CNTN5: variants seen among roughly 807,000 people sequenced by gnomAD.
The protein encoded by CNTN5 is contactin 5, also known as contactin-5.
In CNTN5, 77 loss-of-function variants were observed where a neutral mutation model predicts 129.1. The ratio of observed to expected loss-of-function variants is 0.60; its 90% confidence interval spans 0.50 to 0.72. The LOEUF is 0.72. CNTN5 is among the 30% of genes least tolerant of loss of function. The pLI, the probability that CNTN5 is intolerant of heterozygous loss-of-function variation, is 0.00. For missense variants in CNTN5, 1,478 were observed against 1,328.8 expected (o/e 1.11, Z -1.75); for synonymous variants, 509 against 465.6 (o/e 1.09, Z -1.20).
intron 3 of CNTN5, among the ~76,000 whole-genome samples, chr11:99,712,336 T>C (rs1212284584): frequency 6.6e-6 from 1 of 152,162 alleles, no homozygotes; most frequent in African/African-American, 2.4e-5. Flanking sequence ...GTTTTTGTTT[T>C]CTTGTAAATT....
intron 18 of CNTN5, among the ~76,000 whole-genome samples, chr11:100,291,932 T>C (rs1445236218): frequency 6.6e-6 from 1 of 151,862 alleles, no homozygotes; most frequent in East Asian, 1.9e-4. Flanking sequence ...CCGCCATTGC[T>C]CTCCACTATG....
At chr11:100,019,134 C>A (rs894201381) in intron 9 of CNTN5, among the ~76,000 whole-genome samples, 1 of 151,866 alleles carries the variant, frequency 6.6e-6, no homozygotes, top group Non-Finnish European at 1.5e-5. Context: ...TCAAAAGGTA[C>A]AAGTTTTAAA....
intron 3 of CNTN5, among the ~76,000 whole-genome samples, chr11:99,725,679 C>T (rs12577838): frequency 0.06 from 9,058 of 152,144 alleles, 675 homozygotes; most frequent in African/African-American, 0.17. Context: ...ATTTCGTAAA[C>T]ATATGTATTC....
intron 13 of CNTN5, among the ~76,000 whole-genome samples, chr11:100,135,399 T>C (rs1192758984): frequency 1.3e-5 from 2 of 151,964 alleles, no homozygotes; most frequent in Non-Finnish European, 2.9e-5. Flanking sequence ...ATGGTCTCGA[T>C]CTCCTGACCT....
intron 3 of CNTN5, among the ~76,000 whole-genome samples, chr11:99,793,224 T>C (rs531564705): frequency 1.3e-5 from 2 of 152,036 alleles, no homozygotes; most frequent in Non-Finnish European, 1.5e-5. Context: ...CACGCCCAAC[T>C]AATGTTTTGT....
chr11:99,852,477 T>A (rs1003556406), intron 6 of CNTN5, among the ~76,000 whole-genome samples: 1 of 152,224 alleles, frequency 6.6e-6, no homozygotes. Flanking sequence ...ATACCCAGCC[T>A]AATTTTATAC....
chr11:99,022,231 G>A (rs1862905194), intron 1 of CNTN5, among the ~76,000 whole-genome samples: 1 of 152,128 alleles, frequency 6.6e-6, no homozygotes, highest in African/African-American at 2.4e-5. Context: ...AAATAAGGAT[G>A]AAAGAAGTAG....
At chr11:99,639,393 A>G (rs557603094) in intron 3 of CNTN5, among the ~76,000 whole-genome samples, 33 of 152,294 alleles carry the variant, frequency 2.2e-4, no homozygotes, top group Admixed American at 9.2e-4. Context: ...GAGGATGAAC[A>G]TTAGGCTGCT....
intron 6 of CNTN5, among the ~76,000 whole-genome samples, chr11:99,883,717 G>T (rs1948828852): frequency 6.6e-6 from 1 of 152,188 alleles, no homozygotes; most frequent in Non-Finnish European, 1.5e-5. Flanking sequence ...AAGTATGGCT[G>T]TCTGGAGAGT....
chr11:100,091,711 G>A (rs1436417077), intron 13 of CNTN5, among the ~76,000 whole-genome samples: 1 of 152,038 alleles, frequency 6.6e-6, no homozygotes, highest in African/African-American at 2.4e-5. Flanking sequence ...ACAGGTGTAA[G>A]CCACCGCGCC....
At chr11:99,378,745 T>G (rs143429047) in intron 2 of CNTN5, among the ~76,000 whole-genome samples, 1,754 of 151,932 alleles carry the variant, frequency 0.012, 19 homozygotes, top group Non-Finnish European at 0.017. Flanking sequence ...AGGCTAGGTT[T>G]AAAAAAAAGT....
chr11:99,168,376 G>C (rs945117406), intron 1 of CNTN5, among the ~76,000 whole-genome samples: 1 of 152,072 alleles, frequency 6.6e-6, no homozygotes. Flanking sequence ...TCAGGAGTTC[G>C]AGACCAGCCT....
intron 2 of CNTN5, among the ~76,000 whole-genome samples, chr11:99,348,924 C>G (rs898538008): frequency 2.0e-5 from 3 of 152,120 alleles, no homozygotes; most frequent in African/African-American, 7.2e-5. Context: ...GCACTCTGTG[C>G]CAAAGGTTCA....
At chr11:99,415,066 T>A (rs943443088) in intron 2 of CNTN5, among the ~76,000 whole-genome samples, 24 of 140,944 alleles carry the variant, frequency 1.7e-4, no homozygotes, top group Non-Finnish European at 3.3e-4. Flanking sequence ...TAAAACACAC[T>A]CTTTGGAATT....
chr11:100,108,888 T>C (rs1439171717), intron 13 of CNTN5, among the ~76,000 whole-genome samples: 1 of 152,144 alleles, frequency 6.6e-6, no homozygotes, highest in African/African-American at 2.4e-5. Flanking sequence ...CAAAGTAATT[T>C]GCAGCATATT....
chr11:99,832,466 A>T (rs1277259761), intron 4 of CNTN5, among the ~76,000 whole-genome samples: 5 of 152,322 alleles, frequency 3.3e-5, no homozygotes, highest in African/African-American at 1.2e-4. Context: ...GTACAACGAA[A>T]TGCTACACTA....
chr11:99,088,064 G>T (rs575888471), intron 1 of CNTN5, among the ~76,000 whole-genome samples: 1 of 152,128 alleles, frequency 6.6e-6, no homozygotes, highest in Non-Finnish European at 1.5e-5. Flanking sequence ...TGGAGGAGAG[G>T]TGCTGAGAAC....
intron 13 of CNTN5, among the ~76,000 whole-genome samples, chr11:100,086,995 T>C (rs886688955): frequency 8.6e-5 from 13 of 151,500 alleles, no homozygotes; most frequent in African/African-American, 2.7e-4. Context: ...TAAAAGTAAA[T>C]GCAAGAAAAT....
chr11:99,417,478 GC>G (rs1565565378), intron 2 of CNTN5, among the ~76,000 whole-genome samples: 1 of 152,110 alleles, frequency 6.6e-6, no homozygotes, highest in Admixed American at 6.6e-5. Context: ...TTAAGTTTTT[GC>G]TAGAAATGCA....
Sources: gnomAD v4.1 joint callset for allele counts (sites outside exome capture counted in the v4.1 genomes callset) on GRCh38, gnomAD v4.1.1 for gene constraint, MANE v1.5 for transcripts, NCBI Gene and HGNC (gene_info 2026-07-23, HGNC 2026-07-21) for gene names.